Variants in PTPRO observed in about 807,000 individuals in gnomAD.
PTPRO encodes the protein receptor-type tyrosine-protein phosphatase O.
PTPRO carries 62 observed loss-of-function variants against 145.2 expected under a neutral mutation model. The ratio of observed to expected loss-of-function variants is 0.43; its 90% CI spans 0.35 to 0.53. The LOEUF is 0.53. Ranked by LOEUF, PTPRO falls within the 20% of genes least tolerant of loss-of-function variation. The pLI, the probability that PTPRO is intolerant of heterozygous loss-of-function variation, is 0.01. For synonymous variants in PTPRO, 565 were observed against 514.7 expected (o/e 1.10, Z -1.32); for missense variants, 1,345 against 1,482.7 (o/e 0.91, Z 1.53).
At chr12:15,373,735 C>A (rs1938599015) in intron 1 of PTPRO, among the ~76,000 whole-genome samples, 1 of 152,076 alleles carries the variant, frequency 6.6e-6, no homozygotes, top group African/African-American at 2.4e-5. Flanking sequence ...TTGACTTCAT[C>A]CTTCTTGTTT....
intron 25 of PTPRO, 122 bp from the exon 26 acceptor site, chr12:15,594,815 T>C: frequency 1.4e-6 from 1 of 713,404 alleles, no homozygotes; most frequent in East Asian, 2.8e-5. Flanking sequence ...AAACTGTGTC[T>C]CTGTAAATAA....
At chr12:15,516,680 G>C in intron 8 of PTPRO, 83 bp from the exon 9 acceptor site, 1 of 1,233,294 alleles carries the variant, frequency 8.1e-7, no homozygotes, top group Non-Finnish European at 1.2e-6. Flanking sequence ...TGAAAACTCG[G>C]GTCATTAAGT....
chr12:15,585,667 G>A (rs1340420553), intron 23 of PTPRO, among the ~76,000 whole-genome samples: 1 of 152,066 alleles, frequency 6.6e-6, no homozygotes, highest in Admixed American at 6.6e-5. Flanking sequence ...AACTGACAGC[G>A]AGGCCAAGCT....
At chr12:15,583,498 C>CACACAA (rs111966597) in intron 23 of PTPRO, among the ~76,000 whole-genome samples, 2 of 150,254 alleles carry the variant, frequency 1.3e-5, no homozygotes, top group East Asian at 2.0e-4. Context: ...CACACACACA[C>CACACAA]AAAAAAAATC....
chr12:15,458,185 C>T (rs1941222758), intron 1 of PTPRO, among the ~76,000 whole-genome samples: 1 of 152,158 alleles, frequency 6.6e-6, no homozygotes, highest in South Asian at 2.1e-4. Context: ...TCATCCTGCT[C>T]TCTAGTGACA....
chr12:15,485,353 G>T (rs1442047821), intron 2 of PTPRO, among the ~76,000 whole-genome samples: 1 of 152,032 alleles, frequency 6.6e-6, no homozygotes, highest in African/African-American at 2.4e-5. Context: ...GAACTTACCT[G>T]GTAAAATACT....
At chr12:15,343,780 A>C (rs1867095771) in intron 1 of PTPRO, among the ~76,000 whole-genome samples, 2 of 152,290 alleles carry the variant, frequency 1.3e-5, no homozygotes, top group South Asian at 4.1e-4. Context: ...CGCTTACTGG[A>C]AGCTCCGCCT....
At chr12:15,510,478 T>A (rs1942414832) in intron 7 of PTPRO, among the ~76,000 whole-genome samples, 1 of 152,176 alleles carries the variant, frequency 6.6e-6, no homozygotes, top group African/African-American at 2.4e-5. Flanking sequence ...AATGTACACA[T>A]TATATATCTT....
At chr12:15,550,357 T>C (rs1943422864) in intron 14 of PTPRO, among the ~76,000 whole-genome samples, 1 of 152,064 alleles carries the variant, frequency 6.6e-6, no homozygotes, top group African/African-American at 2.4e-5. Context: ...TTGAGTAGGC[T>C]GAGGAGGAGG....
intron 1 of PTPRO, among the ~76,000 whole-genome samples, chr12:15,456,035 C>G (rs1941169127): frequency 6.6e-6 from 1 of 152,144 alleles, no homozygotes; most frequent in African/African-American, 2.4e-5. Context: ...AAGTGGGCAT[C>G]TTTGTCTTGT....
chr12:15,360,861 TATATGTGTGTATATACACAC>T (rs1938166120), intron 1 of PTPRO, among the ~76,000 whole-genome samples: 1 of 128,076 alleles, frequency 7.8e-6, no homozygotes, highest in African/African-American at 2.8e-5. Context: ...TGTGTGTGTA[TATATGTGTGTATATACACAC>T]ATACACATGT....
At chr12:15,549,603 G>A (rs7956508) in intron 14 of PTPRO, among the ~76,000 whole-genome samples, 1,684 of 152,192 alleles carry the variant, frequency 0.011, 30 homozygotes, top group African/African-American at 0.038. Flanking sequence ...ATCTGTCACC[G>A]ATCAGAGAAT....
intron 12 of PTPRO, among the ~76,000 whole-genome samples, chr12:15,533,660 G>A (rs1943010444): frequency 6.6e-6 from 1 of 152,124 alleles, no homozygotes; most frequent in South Asian, 2.1e-4. Flanking sequence ...GTGTGTTTGT[G>A]TGTGTTTTTT....
chr12:15,495,025 T>A (rs1942072367), intron 2 of PTPRO, among the ~76,000 whole-genome samples: 1 of 151,930 alleles, frequency 6.6e-6, no homozygotes, highest in Admixed American at 6.6e-5. Flanking sequence ...TCTTTGGGAG[T>A]TTTGAACTCA....
intron 6 of PTPRO, among the ~76,000 whole-genome samples, chr12:15,506,117 A>G (rs1942315852): frequency 6.6e-6 from 1 of 152,234 alleles, no homozygotes; most frequent in South Asian, 2.1e-4. Flanking sequence ...TTATCAAGTC[A>G]GTCATAAGGT....
chr12:15,332,027 A>G (rs952649093), intron 1 of PTPRO, among the ~76,000 whole-genome samples: 1 of 142,726 alleles, frequency 7.0e-6, no homozygotes, highest in Non-Finnish European at 1.5e-5. Flanking sequence ...ATGCAGTGAC[A>G]TGATCTAGGC....
rs1255153593 is a variant in PTPRO at position 15,322,815 on chromosome 12, T to C, written c.75+14T>C. The C allele has an allele frequency of 6.2e-7, 1 of 1,609,546 alleles. No homozygotes were observed. Reference sequence around the variant, plus strand: ...GTGCTGTTCAAGGTAGGGGAGCTCCTCCACCCCTTTTTCCCAGCGGTCCGG... The same window carrying C: ...GTGCTGTTCAAGGTAGGGGAGCTCCCCCACCCCTTTTTCCCAGCGGTCCGG... On this transcript the variant is annotated intron_variant, in intron 1 of 26. Coordinates refer to ENST00000281171, the MANE Select transcript of PTPRO (RefSeq NM_030667.3). The surrounding 1 kb of genome is among the most constrained non-coding windows in gnomAD (Gnocchi z 6.3).
At chr12:15,542,613 A>T (rs118178754) in intron 12 of PTPRO, among the ~76,000 whole-genome samples, 1 of 152,376 alleles carries the variant, frequency 6.6e-6, no homozygotes, top group Non-Finnish European at 1.5e-5. Context: ...TAAGGGCCAC[A>T]TGTATAACTT....
At chr12:15,588,465 G>A (rs1008625688) in intron 24 of PTPRO, among the ~76,000 whole-genome samples, 3 of 152,238 alleles carry the variant, frequency 2.0e-5, no homozygotes, top group Non-Finnish European at 4.4e-5. Context: ...GTGATGGGCA[G>A]TTGGTCAGCG....
Sources: gnomAD v4.1 joint callset for allele counts (sites outside exome capture counted in the v4.1 genomes callset) on GRCh38, gnomAD v4.1.1 for gene constraint, Gnocchi (gnomAD v3.1) non-coding constraint, MANE v1.5 for transcripts, NCBI Gene and HGNC (gene_info 2026-07-23, HGNC 2026-07-21) for gene names.